DNAAF9: variants seen among roughly 807,000 people sequenced by gnomAD.
DNAAF9 encodes shulin.
In DNAAF9, 90 loss-of-function variants were observed where a neutral mutation model predicts 167.0. The observed-to-expected ratio is 0.54, with a 90% confidence interval of 0.45 to 0.64. DNAAF9 has a LOEUF of 0.64. DNAAF9 is among the 30% of genes least tolerant of loss of function. DNAAF9 has a pLI of 0.00. For missense variants in DNAAF9, 1,315 were observed against 1,442.2 expected (o/e 0.91, Z 1.43); for synonymous variants, 491 against 508.8 (o/e 0.96, Z 0.47).
At chr20:3,299,538 C>T (rs2069146044) in intron 21 of DNAAF9, among the ~76,000 whole-genome samples, 1 of 152,180 alleles carries the variant, frequency 6.6e-6, no homozygotes, top group Non-Finnish European at 1.5e-5. Context: ...TCTCGAACTG[C>T]CAGCCTCAAG....
At chr20:3,401,233 T>G (rs1164677276) in intron 1 of DNAAF9, among the ~76,000 whole-genome samples, 1 of 151,684 alleles carries the variant, frequency 6.6e-6, no homozygotes. Flanking sequence ...TGAGACAGAG[T>G]CTTACTCTGT....
In DNAAF9 at chr20:3,380,025, C is replaced by T. The variant is rs148717571; in HGVS notation, c.283+1354G>A. On this transcript the variant is annotated intron_variant, in intron 3 of 36. Transcript: ENST00000252032. ...GAGCCAAGATCGCACAACTGCACTC[C>T]GGCCTGGGCAACAGAGCAGGACTCT... Among the ~76,000 whole-genome samples, 7 of 152,252 alleles carry T rather than the reference C, an allele frequency of 4.6e-5. No homozygotes were observed. The East Asian group carries it at 1.2e-3, about 25-fold the overall frequency.
At chr20:3,276,243 C>G (rs1308095047) in intron 29 of DNAAF9, among the ~76,000 whole-genome samples, 1 of 152,204 alleles carries the variant, frequency 6.6e-6, no homozygotes, top group African/African-American at 2.4e-5. Flanking sequence ...AAAAGAAATA[C>G]TTGCCTTTTA....
Position 3,348,567 on chromosome 20 carries a change from TTC to T in DNAAF9, c.745_746del (p.Glu249AsnfsTer14). The T allele has an allele frequency of 6.2e-7, 1 of 1,604,614 alleles. No individual in the cohort carries two copies. The highest frequency in any genetic ancestry group is 8.5e-7 in the Non-Finnish European group (1 of 1,174,286). ...CTGAAAGTTCTAGCAGGAAAGGAAT[TTC>T]TGTGTCAAAATTAGCGAAGAAGCTA... ...WTSFFANFDT[E>X]IPFLLELSES... On this transcript the variant is annotated frameshift_variant, in exon 8 of 37. Transcript: ENST00000252032. LOFTEE classifies it high-confidence loss of function.
At chr20:3,328,702 C>T (rs2069762360) in intron 12 of DNAAF9, among the ~76,000 whole-genome samples, 1 of 152,112 alleles carries the variant, frequency 6.6e-6, no homozygotes, top group African/African-American at 2.4e-5. Context: ...GGTAAGACTA[C>T]ACCCACCAAC....
Position 3,290,111 on chromosome 20 carries a change from G to C in DNAAF9, c.2327+18C>G. The stretch of plus-strand genomic sequence containing the variant: ...TTAGAATCCCTTTCCCCAAAGCAAA[G>C]GCATCAGCCATACTAACCTGCCACA... On this transcript the variant is annotated intron_variant, in intron 26 of 36. Transcript: ENST00000252032. 6.5e-7 allele frequency: 1 copy of C among 1,532,190 alleles called. No homozygotes were observed. The highest frequency in any genetic ancestry group is 9.0e-7 in the Non-Finnish European group (1 of 1,105,488). 94.9% of individuals were successfully genotyped at this position (1,532,190 alleles called of 1,614,324 possible). A position where few individuals can be genotyped will look rare whatever the true frequency, so the allele number is the denominator to read the frequency against.
rs538286038 is a variant in DNAAF9 at position 3,296,447 on chromosome 20, G to A, written c.2018+414C>T. 682 of 295,816 alleles carry A rather than the reference G, an allele frequency of 2.3e-3. 1 individual carries two copies. Among genetic ancestry groups the A allele is most frequent in the Non-Finnish European group, 3.8e-3 (585 of 152,898 alleles). The allele number at this position is 295,816 out of a possible 1,614,324, so 18.3% of individuals were successfully genotyped here. A position where few individuals can be genotyped will look rare whatever the true frequency, so the allele number is the denominator to read the frequency against. ...GGCTGAAGTGCAATGGCATGGTCAC[G>A]GCTCACTGCAACCTTGAATTCCTGG... On this transcript the variant is annotated intron_variant, in intron 23 of 36. Coordinates refer to ENST00000252032, the MANE Select transcript of DNAAF9 (RefSeq NM_001009984.3).
At chr20:3,326,141 G>C in intron 13 of DNAAF9, 56 bp downstream of exon 13, 6 of 1,270,930 alleles carry the variant, frequency 4.7e-6, no homozygotes, top group Non-Finnish European at 6.9e-6. Context: ...CACATGGATA[G>C]AATGTTTTAC....
At chr20:3,345,865 G>A (rs1176334415) in intron 8 of DNAAF9, among the ~76,000 whole-genome samples, 1 of 151,996 alleles carries the variant, frequency 6.6e-6, no homozygotes, top group Non-Finnish European at 1.5e-5. Context: ...CACACGGGAG[G>A]CGGAGGTTGC....
At chr20:3,333,886 A>G (rs1269242818) in intron 10 of DNAAF9, among the ~76,000 whole-genome samples, 1 of 152,200 alleles carries the variant, frequency 6.6e-6, no homozygotes, top group African/African-American at 2.4e-5. Context: ...CAGAGTCAAC[A>G]TTTCTCTCAG....
intron 3 of DNAAF9, 76 bp downstream of exon 3, chr20:3,381,303 A>G: frequency 2.5e-6 from 3 of 1,193,372 alleles, no homozygotes; most frequent in Middle Eastern, 2.8e-4. Context: ...ATTCCATAAG[A>G]AGACCATAAA....
At chr20:3,396,389 G>A (rs1359150956) in intron 1 of DNAAF9, among the ~76,000 whole-genome samples, 1 of 151,510 alleles carries the variant, frequency 6.6e-6, no homozygotes, top group Non-Finnish European at 1.5e-5. Flanking sequence ...ACTTTTTATT[G>A]AGCACCTACT....
chr20:3,310,074 C>T (rs2123011206), intron 20 of DNAAF9, among the ~76,000 whole-genome samples: 1 of 152,038 alleles, frequency 6.6e-6, no homozygotes, highest in East Asian at 1.9e-4. Flanking sequence ...TGTCTGTAAT[C>T]CCAGCTACTC....
Position 3,336,919 on chromosome 20 carries a change from C to T in DNAAF9, c.981+3585G>A, listed in dbSNP as rs192398064. ...TTTTTGAGATGGAGTCTCGCTCTGT[C>T]GCCCAGGCTGGAGGCAGTGGCACGA... On this transcript the variant is annotated intron_variant, in intron 10 of 36. Coordinates refer to ENST00000252032, the MANE Select transcript of DNAAF9 (RefSeq NM_001009984.3). 7.4e-3 allele frequency among the ~76,000 whole-genome samples: 1,024 copies of T among 138,818 alleles called. 7 individuals carry two copies. The highest frequency in any genetic ancestry group is 8.5e-3 in the Non-Finnish European group (557 of 65,312). The allele number at this position is 138,818 out of a possible 152,430, so 91.1% of individuals were successfully genotyped here.
At chr20:3,308,934 A>AC (rs1334867178) in intron 20 of DNAAF9, among the ~76,000 whole-genome samples, 1 of 151,954 alleles carries the variant, frequency 6.6e-6, no homozygotes, top group Non-Finnish European at 1.5e-5. Context: ...ATCCCAACAG[A>AC]CCTTGTCCCA....
At chr20:3,395,313 A>C (rs2083891718) in intron 1 of DNAAF9, among the ~76,000 whole-genome samples, 2 of 132,624 alleles carry the variant, frequency 1.5e-5, no homozygotes, top group South Asian at 2.4e-4. Context: ...GACAGCCTTG[A>C]TCTGTTGCCC....
intron 7 of DNAAF9, among the ~76,000 whole-genome samples, chr20:3,350,422 T>A (rs6084347): frequency 6.6e-6 from 1 of 152,148 alleles, no homozygotes; most frequent in Non-Finnish European, 1.5e-5. Context: ...TGTGTGTGTA[T>A]ACAGGTATCT....
chr20:3,344,205 C>T lies in DNAAF9; in HGVS notation c.790-474G>A, dbSNP rs148513246. Among the ~76,000 whole-genome samples, 34 of 152,110 alleles carry T rather than the reference C, an allele frequency of 2.2e-4. No homozygotes were observed. In the East Asian group the frequency reaches 5.0e-3, roughly 22 times the overall value. On this transcript the variant is annotated intron_variant, in intron 8 of 36. Coordinates refer to ENST00000252032, the MANE Select transcript of DNAAF9 (RefSeq NM_001009984.3). ...TCTGCTGTGCTAATCCAAGGAATTTCGAAATATACTGATGGAAGTTTCCTG... is the reference window on the plus strand; with the variant it reads ...TCTGCTGTGCTAATCCAAGGAATTTTGAAATATACTGATGGAAGTTTCCTG...
intron 25 of DNAAF9, among the ~76,000 whole-genome samples, chr20:3,292,515 C>G (rs2068978309): frequency 6.6e-6 from 1 of 152,064 alleles, no homozygotes; most frequent in South Asian, 2.1e-4. Flanking sequence ...GTCTGTAAAC[C>G]CAGCACTTTG....
Sources: allele counts gnomAD v4.1 joint callset (sites outside exome capture counted in the v4.1 genomes callset), GRCh38; gene constraint gnomAD v4.1.1; transcripts MANE v1.5; gene names NCBI Gene and HGNC (gene_info 2026-07-23, HGNC 2026-07-21).